Variants in GPC6 observed in about 807,000 individuals in gnomAD.
GPC6 encodes the protein glypican 6.
Under a neutral mutation model 55.2 loss-of-function variants are expected in GPC6, and 14 were observed. The ratio of observed to expected loss-of-function variants is 0.25; its 90% confidence interval spans 0.17 to 0.40. The LOEUF is 0.40. GPC6 is among the 10% of genes least tolerant of loss of function. The probability of loss-of-function intolerance (pLI) is 1.00; values close to 1 mark genes in which losing one functional copy is unlikely to be tolerated. For synonymous variants in GPC6, 278 were observed against 259.6 expected (o/e 1.07, Z -0.68); for missense variants, 641 against 708.5 (o/e 0.90, Z 1.08).
chr13:93,783,478 C>A (rs1194322142), intron 2 of GPC6, among the ~76,000 whole-genome samples: 2 of 152,282 alleles, frequency 1.3e-5, no homozygotes, highest in South Asian at 4.1e-4. Flanking sequence ...TTCTCTGCAA[C>A]CTCACCAGCA....
At chr13:94,146,762 CA>C (rs1394574615) in intron 4 of GPC6, among the ~76,000 whole-genome samples, 2 of 152,094 alleles carry the variant, frequency 1.3e-5, no homozygotes, top group Admixed American at 1.3e-4. Context: ...TACCAAAAGG[CA>C]ATTTCTTAGA....
chr13:94,083,354 G>A (rs1195050647), intron 4 of GPC6, among the ~76,000 whole-genome samples: 3 of 152,176 alleles, frequency 2.0e-5, no homozygotes, highest in African/African-American at 7.2e-5. Context: ...TCCTGACCTT[G>A]TGATGCGCCC....
intron 4 of GPC6, among the ~76,000 whole-genome samples, chr13:94,204,576 C>G (rs529342289): frequency 4.3e-4 from 66 of 152,248 alleles, no homozygotes; most frequent in Non-Finnish European, 7.4e-4. Flanking sequence ...TTTTATGGCT[C>G]TGTGAAATAT....
intron 4 of GPC6, among the ~76,000 whole-genome samples, chr13:94,107,452 C>T (rs997413985): frequency 6.6e-6 from 1 of 152,014 alleles, no homozygotes; most frequent in Non-Finnish European, 1.5e-5. Flanking sequence ...AATATGTAGG[C>T]AATCCATTCT....
At chr13:93,578,894 ATT>A (rs1166011377) in intron 2 of GPC6, among the ~76,000 whole-genome samples, 3 of 151,680 alleles carry the variant, frequency 2.0e-5, no homozygotes, top group East Asian at 3.9e-4. Flanking sequence ...TTCCATTTTC[ATT>A]TGTTTCCAGA....
intron 3 of GPC6, among the ~76,000 whole-genome samples, chr13:93,852,137 A>C (rs1170838911): frequency 6.6e-6 from 1 of 151,786 alleles, no homozygotes; most frequent in Non-Finnish European, 1.5e-5. Flanking sequence ...TAATTATGGA[A>C]TACTATACCG....
chr13:93,980,542 A>G (rs1207098942), intron 3 of GPC6, among the ~76,000 whole-genome samples: 1 of 152,160 alleles, frequency 6.6e-6, no homozygotes, highest in Non-Finnish European at 1.5e-5. Context: ...TTGGCACTCT[A>G]GCTAGATCCT....
chr13:93,882,634 A>G (rs1023047450), intron 3 of GPC6, among the ~76,000 whole-genome samples: 2 of 152,080 alleles, frequency 1.3e-5, no homozygotes, highest in African/African-American at 4.8e-5. Flanking sequence ...GTTTTGACAA[A>G]TGCTTAGAGT....
At chr13:93,893,059 AT>A (rs1271008047) in intron 3 of GPC6, among the ~76,000 whole-genome samples, 1,858 of 141,960 alleles carry the variant, frequency 0.013, 15 homozygotes, top group Admixed American at 0.041. Flanking sequence ...TAACCATTAA[AT>A]TTTTTTTTTT....
chr13:93,698,864 G>A (rs988788797), intron 2 of GPC6, among the ~76,000 whole-genome samples: 1 of 151,570 alleles, frequency 6.6e-6, no homozygotes, highest in African/African-American at 2.4e-5. Flanking sequence ...TGGAGTTCGT[G>A]ATTATATATC....
intron 2 of GPC6, among the ~76,000 whole-genome samples, chr13:93,634,184 C>T (rs1214954239): frequency 6.6e-6 from 1 of 152,018 alleles, no homozygotes; most frequent in African/African-American, 2.4e-5. Context: ...GTTTTCAGGT[C>T]AGAGAGATTT....
At chr13:93,322,431 C>CTTTTTTTTTTT (rs71272281) in intron 1 of GPC6, among the ~76,000 whole-genome samples, 3 of 96,790 alleles carry the variant, frequency 3.1e-5, no homozygotes, top group African/African-American at 4.2e-5. Flanking sequence ...TTTCTTTCTT[C>CTTTTTTTTTTT]TTTTTTTTTT....
At chr13:93,223,756 TAAAA>T (rs1324422283), upstream of GPC6, among the ~76,000 whole-genome samples, 1 of 152,080 alleles carries the variant, frequency 6.6e-6, no homozygotes, top group African/African-American at 2.4e-5. Flanking sequence ...GACACAATCT[TAAAA>T]TAAATATTTA....
intron 1 of GPC6, among the ~76,000 whole-genome samples, chr13:93,471,812 A>T (rs1879131067): frequency 6.6e-6 from 1 of 152,188 alleles, no homozygotes; most frequent in Non-Finnish European, 1.5e-5. Flanking sequence ...TATCCTGGGG[A>T]ATATTCCAGA....
At chr13:93,389,830 A>C (rs904653494) in intron 1 of GPC6, among the ~76,000 whole-genome samples, 2 of 152,126 alleles carry the variant, frequency 1.3e-5, no homozygotes, top group Non-Finnish European at 2.9e-5. Flanking sequence ...AAGCCCTCTA[A>C]TTTAGAAGGA....
intron 1 of GPC6, among the ~76,000 whole-genome samples, chr13:93,302,541 G>T (rs1444105583): frequency 6.6e-6 from 1 of 152,166 alleles, no homozygotes; most frequent in Admixed American, 6.5e-5. Context: ...ATAACAATTT[G>T]ATATTTATAG....
chr13:93,865,349 G>A, intron 3 of GPC6, among the ~76,000 whole-genome samples: 1 of 151,682 alleles, frequency 6.6e-6, no homozygotes, highest in East Asian at 2.0e-4. Flanking sequence ...CCTTTTGCCA[G>A]GGTTCAACTA....
intron 6 of GPC6, among the ~76,000 whole-genome samples, chr13:94,381,240 G>A (rs908809439): frequency 2.0e-5 from 3 of 152,018 alleles, no homozygotes; most frequent in African/African-American, 7.2e-5. Flanking sequence ...GTCTGTATTC[G>A]TTTGCTAAGG....
chr13:93,870,510 C>A (rs1336320152), intron 3 of GPC6, among the ~76,000 whole-genome samples: 1 of 151,710 alleles, frequency 6.6e-6, no homozygotes, highest in Admixed American at 6.6e-5. Flanking sequence ...GCTGCATAAC[C>A]AGGTACCCCA....
Sources: allele counts gnomAD v4.1 joint callset (sites outside exome capture counted in the v4.1 genomes callset), GRCh38; gene constraint gnomAD v4.1.1; transcripts MANE v1.5; gene names NCBI Gene and HGNC (gene_info 2026-07-23, HGNC 2026-07-21).